Variants in METTL15 observed in about 807,000 individuals in gnomAD.
The protein encoded by METTL15 is 12S rRNA N(4)-cytidine methyltransferase METTL15.
Under a neutral mutation model 38.3 loss-of-function variants are expected in METTL15, and 34 were observed. The observed-to-expected ratio is 0.89, with a 90% CI of 0.68 to 1.18. The LOEUF (loss-of-function observed/expected upper bound fraction) is 1.18. Ranked by LOEUF, METTL15 falls within the 50% of genes most tolerant of loss-of-function variation. The pLI, the probability that METTL15 is intolerant of heterozygous loss-of-function variation, is 0.00. For missense variants in METTL15, 438 were observed against 498.4 expected, an observed-to-expected ratio of 0.88 and a Z score of 1.15; for synonymous variants, 162 against 170.9, an observed-to-expected ratio of 0.95 and a Z score of 0.41.
At chr11:28,218,542 C>T (rs1249098344) in intron 4 of METTL15, among the ~76,000 whole-genome samples, 1 of 152,082 alleles carries the variant, frequency 6.6e-6, no homozygotes, top group Non-Finnish European at 1.5e-5. Context: ...TAATTGAATA[C>T]CCTTTATTTC....
chr11:28,334,873 T>G (rs1236813743), downstream of METTL15, among the ~76,000 whole-genome samples: 2 of 152,196 alleles, frequency 1.3e-5, no homozygotes, highest in Non-Finnish European at 2.9e-5. Context: ...ACTGACTTTT[T>G]GGCCACCTCA....
intron 3 of METTL15, among the ~76,000 whole-genome samples, chr11:28,149,228 T>A (rs10767697): frequency 2.0e-5 from 3 of 150,602 alleles, no homozygotes; most frequent in Non-Finnish European, 3.0e-5. Flanking sequence ...TTGAGGAACC[T>A]ATGTAATAGG....
At chr11:28,276,889 A>G (rs981195804) in intron 4 of METTL15, among the ~76,000 whole-genome samples, 8 of 152,258 alleles carry the variant, frequency 5.3e-5, no homozygotes, top group African/African-American at 1.4e-4. Flanking sequence ...CTGGACCTCT[A>G]TCTCTCTTCA....
intron 5 of METTL15, among the ~76,000 whole-genome samples, chr11:28,387,391 A>G (rs1244231446): frequency 6.6e-6 from 1 of 151,928 alleles, no homozygotes. Context: ...TTAAAATAAA[A>G]GATCATGATA....
chr11:28,307,959 G>A (rs781222007), intron 6 of METTL15, among the ~76,000 whole-genome samples: 4 of 152,030 alleles, frequency 2.6e-5, no homozygotes, highest in South Asian at 4.1e-4. Flanking sequence ...AGATATCTTC[G>A]ATGAAGATAA....
At position 28,176,827 on chromosome 11, in the gene METTL15, A is replaced by G. The variant is rs770478453; in HGVS notation, c.271-34235A>G. On this transcript the variant is annotated intron_variant, in intron 3 of 6. Coordinates refer to ENST00000407364, the MANE Select transcript of METTL15 (RefSeq NM_001113528.2). ...GTGTATGGTTTTTGTAAAAAAGGAA[A>G]CATCCATATGAAATAACAACTTAGA... is the stretch of plus-strand genomic sequence containing the variant. Among the ~76,000 whole-genome samples, 4 of 152,216 alleles carry G rather than the reference A, an allele frequency of 2.6e-5. No homozygotes were observed. The South Asian group carries it at 6.2e-4, about 24-fold the overall frequency.
rs867572983 is a variant in METTL15, at chr11:28,370,990, C to T, written c.*358+8954C>T. Among the ~76,000 whole-genome samples the T allele has an allele frequency of 6.6e-5, 10 of 152,028 alleles. 1 individual carries two copies. In the Middle Eastern group the frequency reaches 0.017, roughly 259 times the overall value. ...TGAATAATTTGCAGTTTTTTTCCTC[C>T]CACTTTGTGGGTTGTCTCTTCACTT... On this transcript the variant is annotated intron_variant and NMD_transcript_variant, in intron 5 of 7. Coordinates refer to the METTL15 transcript ENST00000532947.
intron 3 of METTL15, chr11:28,163,773 T>G (rs1449812411): frequency 4.4e-6 from 1 of 225,040 alleles, no homozygotes; most frequent in Non-Finnish European, 8.6e-6. Context: ...CCTTTTTTTC[T>G]GTAGCCTGGA....
downstream of METTL15, among the ~76,000 whole-genome samples, chr11:28,333,952 CT>C (rs1050030993): frequency 1.0e-3 from 153 of 151,634 alleles, no homozygotes; most frequent in African/African-American, 1.9e-3. Flanking sequence ...ATTTTTGTTT[CT>C]AATTTTTGTT....
chr11:28,389,897 T>C (rs1850484170), intron 5 of METTL15, among the ~76,000 whole-genome samples: 1 of 151,884 alleles, frequency 6.6e-6, no homozygotes, highest in South Asian at 2.1e-4. Flanking sequence ...GCACCTGTTG[T>C]TTCCTGACTT....
rs143739074 is a variant in METTL15 at position 28,153,498 on chromosome 11, A to G, written c.270+39894A>G. On this transcript the variant is annotated intron_variant, in intron 3 of 6. Coordinates refer to ENST00000407364, the MANE Select transcript of METTL15 (RefSeq NM_001113528.2). ...AACCCATTAATATGGAGGGCTGACTATATTCTAATGTGTGATTTACACAGT... is the reference window on the plus strand; with the variant it reads ...AACCCATTAATATGGAGGGCTGACTGTATTCTAATGTGTGATTTACACAGT... Among the ~76,000 whole-genome samples, 511 of 152,248 alleles carry G rather than the reference A, an allele frequency of 3.4e-3. 6 individuals carry two copies. The highest frequency in any genetic ancestry group is 0.012 in the African/African-American group (492 of 41,560).
chr11:28,394,069 G>A (rs1005029827), intron 5 of METTL15, among the ~76,000 whole-genome samples: 4 of 152,060 alleles, frequency 2.6e-5, no homozygotes, highest in Non-Finnish European at 4.4e-5. Flanking sequence ...ATTAGGCTGA[G>A]CACCTTGTAA....
chr11:28,130,142 C>G (rs2133628813), intron 3 of METTL15, among the ~76,000 whole-genome samples: 1 of 152,102 alleles, frequency 6.6e-6, no homozygotes, highest in Admixed American at 6.5e-5. Flanking sequence ...AGACCCCCAT[C>G]TCTACAAAAC....
At chr11:28,436,410 A>C (rs1373222979) in intron 6 of METTL15, among the ~76,000 whole-genome samples, 1 of 152,170 alleles carries the variant, frequency 6.6e-6, no homozygotes, top group Non-Finnish European at 1.5e-5. Context: ...AATTCTATGG[A>C]TTTATAGAAG....
intron 6 of METTL15, among the ~76,000 whole-genome samples, chr11:28,522,786 A>G (rs1272281019): frequency 6.6e-6 from 1 of 152,214 alleles, no homozygotes; most frequent in Non-Finnish European, 1.5e-5. Flanking sequence ...AATTAAGCAG[A>G]GTAAACATGA....
At position 28,412,760 on chromosome 11, in the gene METTL15, G is replaced by A. The variant is rs1453316558; in HGVS notation, c.*359-11539G>A. ...TGGAGGTCAGAGGGGAGGAGATGGG[G>A]AGATTTAGTTCAAGAATATACAATA... On this transcript the variant is annotated intron_variant and NMD_transcript_variant, in intron 5 of 7. Coordinates refer to the METTL15 transcript ENST00000532947. Among the ~76,000 whole-genome samples the A allele has an allele frequency of 4.6e-5, 7 of 152,070 alleles. No homozygotes were observed. The East Asian group carries it at 1.4e-3, about 29-fold the overall frequency.
chr11:28,120,323 C>T (rs1047081534), intron 3 of METTL15, among the ~76,000 whole-genome samples: 1 of 147,780 alleles, frequency 6.8e-6, no homozygotes, highest in African/African-American at 2.5e-5. Context: ...GTTGTGTTTT[C>T]CCTCTGTTAT....
intron 6 of METTL15, among the ~76,000 whole-genome samples, chr11:28,298,281 T>A (rs1304461841): frequency 6.6e-6 from 1 of 152,132 alleles, no homozygotes; most frequent in African/African-American, 2.4e-5. Flanking sequence ...AGCTATGTGT[T>A]ATTATCTGTC....
chr11:28,514,495 C>A (rs533435627), intron 6 of METTL15, among the ~76,000 whole-genome samples: 6 of 152,288 alleles, frequency 3.9e-5, no homozygotes, highest in African/African-American at 1.2e-4. Flanking sequence ...GCTTTTTTCA[C>A]ACAAATAAGA....
Sources: gnomAD v4.1 joint callset for allele counts (sites outside exome capture counted in the v4.1 genomes callset) on GRCh38, gnomAD v4.1.1 for gene constraint, MANE v1.5 for transcripts, NCBI Gene and HGNC (gene_info 2026-07-23, HGNC 2026-07-21) for gene names.